Variants in ZNF385D observed in about 807,000 individuals in gnomAD.
ZNF385D encodes the protein zinc finger protein 659.
ZNF385D carries 15 observed loss-of-function variants against 35.8 expected under a neutral mutation model. The ratio of observed to expected loss-of-function variants is 0.42; its 90% CI spans 0.28 to 0.64. The LOEUF (loss-of-function observed/expected upper bound fraction) is 0.64, where lower values mean the gene tolerates loss of function less well. Among genes scored for constraint, ZNF385D ranks in the 30% least tolerant of loss-of-function variants. ZNF385D has a pLI of 0.23. For synonymous variants in ZNF385D, 212 were observed against 186.8 expected, an observed-to-expected ratio of 1.13 and a Z score of -1.10; for missense variants, 474 against 494.6, an observed-to-expected ratio of 0.96 and a Z score of 0.39.
At chr3:21,968,077 CAG>C (rs1485561296) in intron 3 of ZNF385D, among the ~76,000 whole-genome samples, 1 of 152,098 alleles carries the variant, frequency 6.6e-6, no homozygotes, top group East Asian at 1.9e-4. Context: ...GTGTACGGTG[CAG>C]AGAGAGTATC....
At chr3:21,560,425 G>A (rs189594195) in intron 3 of ZNF385D, among the ~76,000 whole-genome samples, 2 of 152,306 alleles carry the variant, frequency 1.3e-5, no homozygotes, top group African/African-American at 4.8e-5. Flanking sequence ...CTGCAGGTTT[G>A]CTAGAGGTCC....
At chr3:21,975,732 T>C (rs1168236596) in intron 3 of ZNF385D, among the ~76,000 whole-genome samples, 3,421 of 20,506 alleles carry the variant, frequency 0.17, 234 homozygotes, top group African/African-American at 0.47. Flanking sequence ...TATATATATA[T>C]ATATATATAT....
intron 3 of ZNF385D, among the ~76,000 whole-genome samples, chr3:21,795,976 A>T (rs1429694606): frequency 6.6e-6 from 1 of 152,248 alleles, no homozygotes; most frequent in Non-Finnish European, 1.5e-5. Context: ...AAGATCTAAT[A>T]GTCTAGGGTA....
At chr3:21,580,243 A>G (rs1313254000) in intron 2 of ZNF385D, among the ~76,000 whole-genome samples, 1 of 152,174 alleles carries the variant, frequency 6.6e-6, no homozygotes, top group Non-Finnish European at 1.5e-5. Flanking sequence ...TTTAGCCTCA[A>G]AGAATTTTGT....
At chr3:21,835,507 A>C (rs889368382) in intron 3 of ZNF385D, among the ~76,000 whole-genome samples, 1 of 139,886 alleles carries the variant, frequency 7.1e-6, no homozygotes, top group Non-Finnish European at 1.5e-5. Flanking sequence ...GGGTGGATCA[A>C]AGTGATACTA....
chr3:21,817,525 G>C (rs1250416578), intron 3 of ZNF385D, among the ~76,000 whole-genome samples: 1 of 152,156 alleles, frequency 6.6e-6, no homozygotes, highest in Non-Finnish European at 1.5e-5. Context: ...GATATGAACA[G>C]ACACTTCTCA....
chr3:22,368,291 T>C (rs901371813), intron 2 of ZNF385D, among the ~76,000 whole-genome samples: 8 of 152,174 alleles, frequency 5.3e-5, no homozygotes, highest in South Asian at 4.1e-4. Context: ...TTGAGACATA[T>C]CCCAATCTAG....
chr3:21,711,367 C>T (rs1419717774), intron 1 of ZNF385D, among the ~76,000 whole-genome samples: 4 of 151,994 alleles, frequency 2.6e-5, no homozygotes, highest in Non-Finnish European at 5.9e-5. Context: ...AAATTAAATA[C>T]GTAATCTTTT....
chr3:21,721,540 T>G (rs1292437463), intron 1 of ZNF385D, among the ~76,000 whole-genome samples: 1 of 152,118 alleles, frequency 6.6e-6, no homozygotes, highest in East Asian at 1.9e-4. Context: ...TTCTTTGAGA[T>G]TTAATAATCA....
chr3:21,982,309 T>A (rs779628133), intron 3 of ZNF385D, among the ~76,000 whole-genome samples: 2 of 152,034 alleles, frequency 1.3e-5, no homozygotes, highest in South Asian at 2.1e-4. Context: ...TAGCTGTATT[T>A]CTAGGTTTTC....
chr3:22,338,780 A>G (rs138646965), intron 2 of ZNF385D, among the ~76,000 whole-genome samples: 5,359 of 138,598 alleles, frequency 0.039, 101 homozygotes, highest in South Asian at 0.081. Flanking sequence ...GGCTCACTGT[A>G]GCCTCCACCT....
chr3:21,706,330 A>G (rs572485219), intron 1 of ZNF385D, among the ~76,000 whole-genome samples: 10 of 152,262 alleles, frequency 6.6e-5, no homozygotes, highest in Non-Finnish European at 1.2e-4. Context: ...CATCCCTTTA[A>G]AGACAATCAA....
intron 3 of ZNF385D, among the ~76,000 whole-genome samples, chr3:21,838,305 C>T (rs1398330020): frequency 1.3e-5 from 2 of 152,026 alleles, no homozygotes; most frequent in Non-Finnish European, 2.9e-5. Flanking sequence ...GTTTTCAAGA[C>T]AGGTACTTGG....
At chr3:21,555,265 G>A (rs372913693) in intron 3 of ZNF385D, among the ~76,000 whole-genome samples, 8 of 149,980 alleles carry the variant, frequency 5.3e-5, no homozygotes, top group Non-Finnish European at 7.4e-5. Context: ...TGTGCAGAAC[G>A]TGCAGGTTTG....
chr3:22,142,863 A>G (rs17010875), intron 3 of ZNF385D, among the ~76,000 whole-genome samples: 1 of 152,030 alleles, frequency 6.6e-6, no homozygotes, highest in Non-Finnish European at 1.5e-5. Context: ...GGTTCCAAAA[A>G]GTTCTCTCCT....
intron 2 of ZNF385D, among the ~76,000 whole-genome samples, chr3:22,291,010 A>G (rs1473794282): frequency 1.3e-5 from 2 of 152,156 alleles, no homozygotes; most frequent in Non-Finnish European, 1.5e-5. Context: ...TACTCCCATC[A>G]ATGAAGGACT....
At chr3:21,960,709 G>C (rs765231561) in intron 3 of ZNF385D, among the ~76,000 whole-genome samples, 1 of 152,012 alleles carries the variant, frequency 6.6e-6, no homozygotes, top group Non-Finnish European at 1.5e-5. Flanking sequence ...CAGATAAATG[G>C]ATAAAGAAAA....
intron 3 of ZNF385D, among the ~76,000 whole-genome samples, chr3:21,973,470 C>A (rs1399949045): frequency 6.6e-6 from 1 of 151,852 alleles, no homozygotes; most frequent in Non-Finnish European, 1.5e-5. Context: ...TCATATTGAA[C>A]AGGGAAAAAC....
At chr3:21,824,442 GTC>G (rs34887855) in intron 3 of ZNF385D, among the ~76,000 whole-genome samples, 30,495 of 104,788 alleles carry the variant, frequency 0.29, 3,253 homozygotes, top group East Asian at 0.3. Flanking sequence ...TCTTTAAAAG[GTC>G]TCTCCCTTTC....
Sources: gnomAD v4.1 joint callset for allele counts (sites outside exome capture counted in the v4.1 genomes callset) on GRCh38, gnomAD v4.1.1 for gene constraint, MANE v1.5 for transcripts, NCBI Gene and HGNC (gene_info 2026-07-23, HGNC 2026-07-21) for gene names.